The following NRXN3 variants were observed in gnomAD, a reference collection of about 807,000 sequenced individuals.
The protein encoded by NRXN3 is neurexin III.
In NRXN3, 32 loss-of-function variants were observed where a neutral mutation model predicts 137.6. That is an observed-to-expected ratio of 0.23 (90% CI 0.18 to 0.31). NRXN3 has a LOEUF of 0.31. Among genes scored for constraint, NRXN3 ranks in the 10% least tolerant of loss-of-function variants. The pLI is 1.00. For missense variants in NRXN3, 1,574 were observed against 2,062.5 expected (o/e 0.76, Z 4.59); for synonymous variants, 798 against 784.5 (o/e 1.02, Z -0.29).
At chr14:78,456,515 T>C (rs1161156593) in intron 4 of NRXN3, among the ~76,000 whole-genome samples, 1 of 152,222 alleles carries the variant, frequency 6.6e-6, no homozygotes, top group African/African-American at 2.4e-5. Context: ...TCACTAACTT[T>C]CTTTTTCTAG....
intron 15 of NRXN3, among the ~76,000 whole-genome samples, chr14:79,066,541 A>G (rs2370897): frequency 0.33 from 50,213 of 151,936 alleles, 8,800 homozygotes; most frequent in Admixed American, 0.47. Flanking sequence ...TGGTAGTTTA[A>G]TGGGAATAGC....
intron 10 of NRXN3, among the ~76,000 whole-genome samples, chr14:78,898,421 C>T (rs559440095): frequency 5.3e-5 from 8 of 151,846 alleles, no homozygotes; most frequent in East Asian, 1.9e-4. Context: ...AGTGATGATA[C>T]GAATTGTGTT....
intron 15 of NRXN3, among the ~76,000 whole-genome samples, chr14:79,170,425 T>C (rs2061669056): frequency 6.6e-6 from 1 of 152,136 alleles, no homozygotes; most frequent in Non-Finnish European, 1.5e-5. Context: ...TTATGTCAGA[T>C]GGGTGCTATC....
intron 8 of NRXN3, among the ~76,000 whole-genome samples, chr14:78,793,707 A>G (rs1272952376): frequency 6.6e-6 from 1 of 152,170 alleles, no homozygotes; most frequent in South Asian, 2.1e-4. Context: ...CGATGCTTAC[A>G]TGACTGACTT....
chr14:79,273,408 G>A (rs1463286491), intron 15 of NRXN3, among the ~76,000 whole-genome samples: 1 of 151,942 alleles, frequency 6.6e-6, no homozygotes, highest in East Asian at 2.0e-4. Flanking sequence ...GCCAAGACGA[G>A]CGGATCACGA....
chr14:79,294,121 T>A (rs1210648938), intron 15 of NRXN3, among the ~76,000 whole-genome samples: 1 of 152,170 alleles, frequency 6.6e-6, no homozygotes, highest in Non-Finnish European at 1.5e-5. Flanking sequence ...AGGGTCGTGC[T>A]GCAGTTTAGG....
chr14:79,265,844 T>G (rs950201892), intron 15 of NRXN3, among the ~76,000 whole-genome samples: 1 of 152,160 alleles, frequency 6.6e-6, no homozygotes, highest in African/African-American at 2.4e-5. Flanking sequence ...CCCTCCCATC[T>G]CTCTTCTACC....
chr14:79,653,638 T>A (rs2098488301), intron 16 of NRXN3, among the ~76,000 whole-genome samples: 1 of 152,214 alleles, frequency 6.6e-6, no homozygotes, highest in African/African-American at 2.4e-5. Flanking sequence ...CAGTGGGATC[T>A]AAGATAGATT....
chr14:79,521,154 A>C (rs2097060147), intron 16 of NRXN3, among the ~76,000 whole-genome samples: 1 of 152,164 alleles, frequency 6.6e-6, no homozygotes, highest in Non-Finnish European at 1.5e-5. Context: ...ATATTAAGCC[A>C]GTTTATATCT....
chr14:78,911,045 G>C (rs954422150), intron 10 of NRXN3, among the ~76,000 whole-genome samples: 1 of 152,088 alleles, frequency 6.6e-6, no homozygotes. Context: ...TTTAATGCTA[G>C]ACTTTATATT....
intron 16 of NRXN3, among the ~76,000 whole-genome samples, chr14:79,598,195 A>AT (rs1201809847): frequency 3.3e-5 from 5 of 152,202 alleles, no homozygotes; most frequent in African/African-American, 1.2e-4. Context: ...TGAACTCACT[A>AT]TCGTCTTTGC....
chr14:78,786,085 A>G (rs546296437), intron 8 of NRXN3, among the ~76,000 whole-genome samples: 1 of 152,330 alleles, frequency 6.6e-6, no homozygotes, highest in East Asian at 1.9e-4. Context: ...CTATTCAGCC[A>G]TTACATAATG....
chr14:78,744,973 A>G (rs1353246962), intron 8 of NRXN3: 1 of 152,226 alleles, frequency 6.6e-6, no homozygotes, highest in Non-Finnish European at 1.5e-5. Context: ...CAGCACATCA[A>G]GAGTGGCTTT....
intron 15 of NRXN3, among the ~76,000 whole-genome samples, chr14:79,159,630 G>A (rs2060572754): frequency 6.6e-6 from 1 of 151,718 alleles, no homozygotes; most frequent in African/African-American, 2.4e-5. Context: ...TTAAACTGCT[G>A]ATTTATTTTG....
chr14:78,703,200 A>G (rs2098307066), intron 6 of NRXN3, among the ~76,000 whole-genome samples: 1 of 152,230 alleles, frequency 6.6e-6, no homozygotes, highest in Non-Finnish European at 1.5e-5. Flanking sequence ...TTCGAAATCT[A>G]TTGAAAAGAC....
chr14:79,725,489 T>G lies in NRXN3; in HGVS notation c.4014+27552T>G, dbSNP rs557336412. 6.6e-5 allele frequency among the ~76,000 whole-genome samples: 10 copies of G among 152,286 alleles called. No homozygotes were observed. In the South Asian group the frequency reaches 2.1e-3, roughly 32 times the overall value. ...GACTATAGGATTGGAAGTGGACACGTGAATTCCATTTCTTACTCTCCACTA... is the reference window on the plus strand; with the variant it reads ...GACTATAGGATTGGAAGTGGACACGGGAATTCCATTTCTTACTCTCCACTA... On this transcript the variant is annotated intron_variant, in intron 19 of 20. Transcript: ENST00000335750.
At position 79,861,869 on chromosome 14, in the gene NRXN3, G is replaced by A. The variant is rs759711936; in HGVS notation, c.4621G>A (p.Ala1541Thr). 1.3e-5 allele frequency: 21 copies of A among 1,614,050 alleles called. No individual in the cohort carries two copies. Among genetic ancestry groups the A allele is most frequent in the East Asian group, 2.2e-5 (1 of 44,870 alleles). ...GACGCGGAACTACATCAGCAACTCC[G>A]CCCAGAGCAACGGCACGCTCATGAA... ...DETRNYISNSAQSNGTLMKEK... is the reference protein window; with the variant it reads ...DETRNYISNSTQSNGTLMKEK... The change falls in exon 21 of 21, where the codon GCC becomes ACC. Residue 1541 changes from alanine to threonine, a missense_variant. By Grantham distance (58) the Ala-to-Thr change is moderately conservative (BLOSUM62 0). Coordinates refer to ENST00000335750, the MANE Select transcript of NRXN3 (RefSeq NM_001330195.2). This position sits in a 1 kb window ranked among gnomAD's most constrained non-coding sequence, Gnocchi z 5.4.
chr14:79,009,357 T>C (rs903541165), intron 15 of NRXN3, among the ~76,000 whole-genome samples: 1 of 152,178 alleles, frequency 6.6e-6, no homozygotes, highest in African/African-American at 2.4e-5. Context: ...CAAGATATTT[T>C]GCTTCTTGGT....
intron 4 of NRXN3, among the ~76,000 whole-genome samples, chr14:78,377,295 C>G (rs2088057374): frequency 1.3e-5 from 2 of 152,168 alleles, no homozygotes; most frequent in African/African-American, 4.8e-5. Flanking sequence ...AGAGCAAAGA[C>G]TGTTGCCAGA....
Sources: allele counts gnomAD v4.1 joint callset (sites outside exome capture counted in the v4.1 genomes callset), GRCh38; gene constraint gnomAD v4.1.1; non-coding constraint Gnocchi (gnomAD v3.1); transcripts MANE v1.5; gene names NCBI Gene and HGNC (gene_info 2026-07-23, HGNC 2026-07-21).